SLF2: variants seen among roughly 807,000 people sequenced by gnomAD.
SLF2 encodes the protein SMC5-SMC6 complex localization factor protein 2.
Under a neutral mutation model 124.3 loss-of-function variants are expected in SLF2, and 68 were observed. The observed-to-expected ratio is 0.55, with a 90% CI of 0.45 to 0.67. SLF2 has a LOEUF of 0.67. SLF2 is among the 30% of genes least tolerant of loss of function. SLF2 has a pLI of 0.00. For synonymous variants in SLF2, 480 were observed against 478.8 expected (o/e 1.00, Z -0.03); for missense variants, 1,246 against 1,373.7 (o/e 0.91, Z 1.47).
At chr10:100,939,792 G>A (rs1849932607) in intron 11 of SLF2, among the ~76,000 whole-genome samples, 1 of 152,008 alleles carries the variant, frequency 6.6e-6, no homozygotes, top group Admixed American at 6.6e-5. Flanking sequence ...TCACAGAAAA[G>A]GAAGTAAAAA....
intron 8 of SLF2, 64 bp from the exon 9 acceptor site, chr10:100,930,912 G>C: frequency 8.3e-7 from 1 of 1,197,804 alleles, no homozygotes; most frequent in Non-Finnish European, 1.2e-6. Context: ...ATGTGTTGGT[G>C]GTGATAGTAG....
rs1063665 is a variant in SLF2 at position 100,965,039 on chromosome 10, T to A, written c.*3127T>A. 1.4e-5 allele frequency: 2 copies of A among 141,066 alleles called. No homozygotes were observed. Among genetic ancestry groups the A allele is most frequent in the East Asian group, 4.0e-4 (2 of 4,978 alleles). The allele number at this position is 141,066 out of a possible 1,614,324, so 8.7% of individuals were successfully genotyped here. On this transcript the variant is annotated 3_prime_UTR_variant, in exon 20 of 20. Transcript: ENST00000238961. This position sits in a 1 kb window ranked among gnomAD's most constrained non-coding sequence, Gnocchi z 4.1. The stretch of plus-strand genomic sequence containing the variant: ...AGTAAATACAGATTTTTTTCTTTCC[T>A]TTTTTTTTTTTTTAAAGATTTTATA...
rs747981951 is a variant in SLF2 at position 100,917,069 on chromosome 10, A to T, written c.684A>T (p.Glu228Asp). ...GCAGCCTGTCCAGGCACCACCCGGA[A>T]GAAAGCCCACTGGGAGCTAAATTCC... ...SRSSLSRHHPEESPLGAKFQL... is the reference protein window; with the variant it reads ...SRSSLSRHHPDESPLGAKFQL... Residue 228 changes from glutamate to aspartate, a missense_variant, in exon 3 of 20, where the codon GAA (glutamate) becomes GAT (aspartate). By Grantham distance (45) the Glu-to-Asp change is conservative. Around this residue, in one of 3 missense-constraint regions of SLF2, gnomAD observed 698 missense variants for 708.9 expected, o/e 0.98. Coordinates refer to ENST00000238961, the MANE Select transcript of SLF2 (RefSeq NM_018121.4). 1.2e-6 allele frequency: 2 copies of T among 1,614,112 alleles called. No individual in the cohort carries two copies. The highest frequency in any genetic ancestry group is 2.7e-5 in the African/African-American group (2 of 74,930).
At chr10:100,936,683 G>A (rs1849867667) in intron 9 of SLF2, among the ~76,000 whole-genome samples, 1 of 152,012 alleles carries the variant, frequency 6.6e-6, no homozygotes, top group South Asian at 2.1e-4. Context: ...GTGATATTGA[G>A]CATCTTTGAA....
At position 100,917,279 on chromosome 10, in the gene SLF2, A is replaced by C; in HGVS notation, c.894A>C (p.Gly298=). 6.2e-7 allele frequency: 1 copy of C among 1,610,480 alleles called. No homozygotes were observed. The highest frequency in any genetic ancestry group is 8.5e-7 in the Non-Finnish European group (1 of 1,178,886). ...GGAAACAGAATGACATCATACCTGG[A>C]AAAAATAATCTGTCAAATGTGGTAT... is the stretch of plus-strand genomic sequence containing the variant. ...EQRKQNDIIP[G]KNNLSNVENG... is the part of the protein sequence containing the mutation. The change falls in exon 3 of 20, where the codon GGA becomes GGC. Residue 298 remains glycine, a synonymous_variant. Coordinates refer to ENST00000238961, the MANE Select transcript of SLF2 (RefSeq NM_018121.4).
At chr10:100,914,896 C>T (rs1223372760) in intron 1 of SLF2, among the ~76,000 whole-genome samples, 2 of 152,144 alleles carry the variant, frequency 1.3e-5, no homozygotes, top group Admixed American at 1.3e-4. Flanking sequence ...GCATTCCAAC[C>T]TCATAGTGGA....
chr10:100,925,517 A>T (rs1395071565), intron 5 of SLF2, among the ~76,000 whole-genome samples: 2 of 152,178 alleles, frequency 1.3e-5, no homozygotes, highest in African/African-American at 2.4e-5. Context: ...GTGGTGTGCA[A>T]TTTTATTTAT....
chr10:100,925,897 A>G (rs1464254838), intron 5 of SLF2, 52 bp from the exon 6 acceptor site: 1 of 1,497,024 alleles, frequency 6.7e-7, no homozygotes. Context: ...AAAACATCCC[A>G]GTTCTTCTAC....
chr10:100,935,440 C>T (rs1849827225), intron 9 of SLF2, among the ~76,000 whole-genome samples: 1 of 150,922 alleles, frequency 6.6e-6, no homozygotes, highest in Admixed American at 6.6e-5. Flanking sequence ...GTGGCTTAAG[C>T]CTGTAATCGC....
chr10:100,946,436 C>T (rs963247808), intron 13 of SLF2, among the ~76,000 whole-genome samples: 2 of 151,180 alleles, frequency 1.3e-5, no homozygotes, highest in African/African-American at 4.9e-5. Flanking sequence ...AGGCGATTCT[C>T]ATTCCTCAAC....
chr10:100,917,267 C>T lies in SLF2; in HGVS notation c.882C>T (p.Asp294=), dbSNP rs1564769285. 1 of 1,611,364 alleles carries T rather than the reference C, an allele frequency of 6.2e-7. No homozygotes were observed. Among genetic ancestry groups the T allele is most frequent in the Non-Finnish European group, 8.5e-7 (1 of 1,179,196 alleles). ...KPRQEQRKQN[D]IIPGKNNLSN... ...GGCAGGAACAAAGGAAACAGAATGA[C>T]ATCATACCTGGAAAAAATAATCTGT... The change falls in exon 3 of 20, where the codon GAC becomes GAT. Residue 294 remains aspartate (D), a synonymous_variant. Coordinates refer to ENST00000238961, the MANE Select transcript of SLF2 (RefSeq NM_018121.4).
At chr10:100,955,724 G>A (rs948477240) in intron 17 of SLF2, among the ~76,000 whole-genome samples, 2 of 152,006 alleles carry the variant, frequency 1.3e-5, no homozygotes, top group Non-Finnish European at 1.5e-5. Flanking sequence ...CCTGGCCAAC[G>A]TGGCAAAACC....
In SLF2 at chr10:100,926,168, C is replaced by T. The variant is rs540761361; in HGVS notation, c.2042+149C>T. 4.9e-5 allele frequency: 76 copies of T among 1,553,862 alleles called. 1 individual carries two copies. The South Asian group carries it at 6.0e-4, about 12-fold the overall frequency. On this transcript the variant is annotated intron_variant, in intron 6 of 19. Transcript: ENST00000238961. ...CTGTGTTAGAATAAGATATGTTGGC[C>T]GGACGCAGTGGCTCATGCCTGTAAT...
chr10:100,962,975 C>T lies in SLF2; in HGVS notation c.*1063C>T, dbSNP rs1267644495. The T allele has an allele frequency of 6.6e-6, 1 of 152,604 alleles. No individual in the cohort carries two copies. The highest frequency in any genetic ancestry group is 2.1e-4 in the South Asian group (1 of 4,828). The allele number at this position is 152,604 out of a possible 1,614,324, so 9.5% of individuals were successfully genotyped here. On this transcript the variant is annotated 3_prime_UTR_variant, in exon 20 of 20. Coordinates refer to ENST00000238961, the MANE Select transcript of SLF2 (RefSeq NM_018121.4). ...AAATGGTAGAGGGTTAGTGGAAGTG[C>T]ACACGTTGTTTTTAGCCCAGGGGTA...
intron 11 of SLF2, among the ~76,000 whole-genome samples, chr10:100,939,765 G>A (rs1165854164): frequency 6.6e-6 from 1 of 151,748 alleles, no homozygotes; most frequent in African/African-American, 2.4e-5. Flanking sequence ...AATGGGCAGA[G>A]GAAATGAATA....
intron 9 of SLF2, among the ~76,000 whole-genome samples, chr10:100,931,360 C>A (rs899679578): frequency 4.6e-5 from 7 of 152,118 alleles, no homozygotes; most frequent in Admixed American, 3.3e-4. Flanking sequence ...TCTTCTAATG[C>A]TTACATACCT....
intron 6 of SLF2, among the ~76,000 whole-genome samples, chr10:100,926,989 CACTA>C (rs1400631595): frequency 6.6e-6 from 1 of 151,784 alleles, no homozygotes; most frequent in Non-Finnish European, 1.5e-5. Flanking sequence ...TAGTATACTG[CACTA>C]ACTAATAATA....
intron 10 of SLF2, 89 bp from the exon 11 acceptor site, chr10:100,938,506 T>TA (rs1438288679): frequency 4.7e-6 from 6 of 1,270,490 alleles, no homozygotes; most frequent in Non-Finnish European, 6.5e-6. Flanking sequence ...CCATTGTAAT[T>TA]ATTCATGTTT....
At chr10:100,919,479 G>T (rs1849485804) in intron 4 of SLF2, among the ~76,000 whole-genome samples, 1 of 151,584 alleles carries the variant, frequency 6.6e-6, no homozygotes, top group African/African-American at 2.4e-5. Flanking sequence ...ATATCTACAT[G>T]ACATTAGTTT....
Sources: gnomAD v4.1 joint callset for allele counts (sites outside exome capture counted in the v4.1 genomes callset) on GRCh38, gnomAD v4.1.1 for gene constraint, gnomAD v4.1.1 regional missense constraint, Gnocchi (gnomAD v3.1) non-coding constraint, MANE v1.5 for transcripts, NCBI Gene and HGNC (gene_info 2026-07-23, HGNC 2026-07-21) for gene names.